Variants in EYS observed in about 807,000 individuals in gnomAD.
EYS encodes protein eyes shut homolog.
A neutral mutation model predicts 282.1 loss-of-function variants in EYS; 250 were observed. The observed-to-expected ratio is 0.89, with a 90% CI of 0.80 to 0.98. The LOEUF (loss-of-function observed/expected upper bound fraction) is 0.98. Ranked by LOEUF, EYS falls within the 50% of genes least tolerant of loss-of-function variation. EYS has a pLI of 0.00. For synonymous variants in EYS, 1,355 were observed against 1,282.9 expected, an observed-to-expected ratio of 1.06 and a Z score of -1.20; for missense variants, 4,016 against 3,709.0, an observed-to-expected ratio of 1.08 and a Z score of -2.15.
intron 31 of EYS, among the ~76,000 whole-genome samples, chr6:64,108,946 A>G (rs1338849588): frequency 6.6e-6 from 1 of 152,112 alleles, no homozygotes; most frequent in African/African-American, 2.4e-5. Flanking sequence ...CCTTTTACAA[A>G]GGAGAAATCA....
At chr6:65,048,189 G>A (rs551639989) in intron 13 of EYS, among the ~76,000 whole-genome samples, 4 of 151,778 alleles carry the variant, frequency 2.6e-5, no homozygotes, top group South Asian at 2.1e-4. Context: ...ATTTAGCCTC[G>A]TTTCTCCTTA....
At chr6:64,736,244 G>A (rs1023913342) in intron 22 of EYS, among the ~76,000 whole-genome samples, 3 of 151,832 alleles carry the variant, frequency 2.0e-5, no homozygotes, top group African/African-American at 2.4e-5. Context: ...AAACTTCTAT[G>A]AATATTACCT....
chr6:64,045,383 GTTTATTTTATTTTATTTTAT>G lies in EYS; in HGVS notation c.6725+20935_6725+20954del, dbSNP rs548483513. Among the ~76,000 whole-genome samples the G allele has an allele frequency of 8.6e-4, 118 of 137,540 alleles. 1 individual carries two copies. The highest frequency in any genetic ancestry group is 2.4e-3 in the African/African-American group (86 of 36,360). The allele number at this position is 137,540 out of a possible 152,430, so 90.2% of individuals were successfully genotyped here. A position where few individuals can be genotyped will look rare whatever the true frequency, so the allele number is the denominator to read the frequency against. On this transcript the variant is annotated intron_variant, in intron 33 of 42. Transcript: ENST00000503581. ...ATTTTTTAATGTTTGGGTGAAACAA[GTTTATTTTATTTTATTTTAT>G]TTTATTTTATTTTATTTTATTTTAT... is the stretch of plus-strand genomic sequence containing the variant.
At chr6:64,074,284 T>G (rs1325799594) in intron 32 of EYS, among the ~76,000 whole-genome samples, 1 of 151,430 alleles carries the variant, frequency 6.6e-6, no homozygotes, top group African/African-American at 2.4e-5. Flanking sequence ...TTTAGAGAGA[T>G]AATTCTAAGA....
intron 27 of EYS, among the ~76,000 whole-genome samples, chr6:64,437,811 A>G (rs1774804964): frequency 6.6e-6 from 1 of 150,734 alleles, no homozygotes; most frequent in Non-Finnish European, 1.5e-5. Context: ...TACATATTAT[A>G]TTACTTCAGA....
chr6:64,926,569 C>G (rs917470653), intron 15 of EYS, among the ~76,000 whole-genome samples: 9 of 152,176 alleles, frequency 5.9e-5, no homozygotes, highest in African/African-American at 2.2e-4. Flanking sequence ...CACTCTCTAT[C>G]TCATGCACTG....
At chr6:65,334,366 A>T (rs1333764659) in intron 11 of EYS, among the ~76,000 whole-genome samples, 1 of 151,712 alleles carries the variant, frequency 6.6e-6, no homozygotes, top group Non-Finnish European at 1.5e-5. Flanking sequence ...GGCTCAAGTG[A>T]TACTTCTTCC....
chr6:64,989,425 A>G (rs1770977414), intron 14 of EYS, among the ~76,000 whole-genome samples: 1 of 113,596 alleles, frequency 8.8e-6, no homozygotes. Context: ...ATGAATATAT[A>G]TGAGAAACAG....
chr6:64,356,953 G>A (rs1771844016), intron 29 of EYS, among the ~76,000 whole-genome samples: 1 of 151,428 alleles, frequency 6.6e-6, no homozygotes, highest in African/African-American at 2.4e-5. Context: ...CTAAATCCAA[G>A]CCCTAAAGAC....
chr6:64,840,754 T>A (rs1218133765), intron 19 of EYS, among the ~76,000 whole-genome samples: 2 of 152,172 alleles, frequency 1.3e-5, no homozygotes, highest in Admixed American at 1.3e-4. Context: ...TTCTTTTTTA[T>A]AATTGACCTT....
chr6:64,219,343 A>G (rs894857172), intron 31 of EYS, among the ~76,000 whole-genome samples: 3 of 152,222 alleles, frequency 2.0e-5, no homozygotes, highest in Non-Finnish European at 2.9e-5. Flanking sequence ...GGTTGTCACA[A>G]ACTAAGAGGG....
chr6:63,938,857 A>C (rs1485062045), intron 35 of EYS, among the ~76,000 whole-genome samples: 1 of 152,256 alleles, frequency 6.6e-6, no homozygotes, highest in Non-Finnish European at 1.5e-5. Flanking sequence ...TATTTTACAA[A>C]GAGCTGGACA....
chr6:64,470,281 A>G (rs761846761), intron 26 of EYS, among the ~76,000 whole-genome samples: 93 of 152,216 alleles, frequency 6.1e-4, no homozygotes, highest in Non-Finnish European at 1.2e-3. Context: ...ACACTAGGAA[A>G]TTCTGGAAAA....
chr6:64,404,791 G>A (rs529155865), intron 28 of EYS, among the ~76,000 whole-genome samples: 5 of 152,144 alleles, frequency 3.3e-5, no homozygotes, highest in South Asian at 2.1e-4. Context: ...GGCAGAATTA[G>A]GTAAGAGTGT....
intron 28 of EYS, among the ~76,000 whole-genome samples, chr6:64,394,252 G>T: frequency 6.6e-6 from 1 of 152,118 alleles, no homozygotes; most frequent in East Asian, 1.9e-4. Context: ...AGCTACCAAT[G>T]CCTTTCTTCA....
intron 2 of EYS, among the ~76,000 whole-genome samples, chr6:65,600,120 T>A (rs1765565229): frequency 6.6e-6 from 1 of 152,034 alleles, no homozygotes. Context: ...TTTTCCTTCA[T>A]CTGGGGATAG....
chr6:64,726,648 G>A (rs1771768216), intron 22 of EYS, among the ~76,000 whole-genome samples: 1 of 152,028 alleles, frequency 6.6e-6, no homozygotes, highest in South Asian at 2.1e-4. Flanking sequence ...AATTCAACCA[G>A]AAAAGTCTTT....
At chr6:63,943,621 C>G (rs1562107966) in intron 35 of EYS, among the ~76,000 whole-genome samples, 1 of 152,050 alleles carries the variant, frequency 6.6e-6, no homozygotes, top group Non-Finnish European at 1.5e-5. Flanking sequence ...CACACTAGAC[C>G]AAAAACGGTG....
intron 26 of EYS, among the ~76,000 whole-genome samples, chr6:64,467,274 T>C (rs1312586810): frequency 6.6e-6 from 1 of 152,262 alleles, no homozygotes; most frequent in East Asian, 1.9e-4. Flanking sequence ...AGTCTGAAAA[T>C]TCCAGGTGTT....
Sources: gnomAD v4.1 joint callset for allele counts (sites outside exome capture counted in the v4.1 genomes callset) on GRCh38, gnomAD v4.1.1 for gene constraint, MANE v1.5 for transcripts, NCBI Gene and HGNC (gene_info 2026-07-23, HGNC 2026-07-21) for gene names.